KCTD8: variants seen among roughly 807,000 people sequenced by gnomAD.
KCTD8 encodes potassium channel tetramerization domain containing 8.
In KCTD8, 27 loss-of-function variants were observed where a neutral mutation model predicts 31.5. The observed-to-expected ratio is 0.86, with a 90% CI of 0.63 to 1.18. The LOEUF (loss-of-function observed/expected upper bound fraction) is 1.18. Among genes scored for constraint, KCTD8 ranks in the 50% most tolerant of loss-of-function variants. The probability of loss-of-function intolerance (pLI) is 0.00; values close to 1 mark genes in which losing one functional copy is unlikely to be tolerated. For synonymous variants in KCTD8, 290 were observed against 280.0 expected (o/e 1.04, Z -0.36); for missense variants, 658 against 647.7 (o/e 1.02, Z -0.17).
intron 1 of KCTD8, among the ~76,000 whole-genome samples, chr4:44,432,308 T>A (rs886806264): frequency 1.3e-4 from 19 of 151,762 alleles, no homozygotes; most frequent in African/African-American, 4.6e-4. Context: ...GAATGGATAT[T>A]TATTTGCTTC....
chr4:44,207,364 ACTT>A (rs1560394854), intron 1 of KCTD8, among the ~76,000 whole-genome samples: 1 of 152,056 alleles, frequency 6.6e-6, no homozygotes, highest in Admixed American at 6.6e-5. Context: ...CCCCATCTCT[ACTT>A]CTTCCTGATT....
chr4:44,221,370 T>TG (rs1714803130), intron 1 of KCTD8, among the ~76,000 whole-genome samples: 1 of 151,584 alleles, frequency 6.6e-6, no homozygotes, highest in East Asian at 1.9e-4. Context: ...TGTGTGTGTG[T>TG]TTAGGAGCAT....
chr4:44,260,143 G>GA (rs141872399), intron 1 of KCTD8, among the ~76,000 whole-genome samples: 3,187 of 147,376 alleles, frequency 0.022, 67 homozygotes, highest in African/African-American at 0.028. Context: ...ATGCTAAAAT[G>GA]AAAAAAAAAC....
chr4:44,221,367 G>GTT (rs1339735877), intron 1 of KCTD8, among the ~76,000 whole-genome samples: 1 of 151,686 alleles, frequency 6.6e-6, no homozygotes, highest in Non-Finnish European at 1.5e-5. Flanking sequence ...GTGTGTGTGT[G>GTT]TGTTTAGGAG....
intron 1 of KCTD8, among the ~76,000 whole-genome samples, chr4:44,331,875 T>C (rs900208697): frequency 6.6e-6 from 1 of 150,810 alleles, no homozygotes; most frequent in Non-Finnish European, 1.5e-5. Flanking sequence ...GCTATATATA[T>C]ACACAGAGAG....
At chr4:44,181,182 C>T (rs1019347047) in intron 1 of KCTD8, among the ~76,000 whole-genome samples, 23 of 115,022 alleles carry the variant, frequency 2.0e-4, no homozygotes, top group African/African-American at 6.3e-4. Context: ...CCCATGGTCT[C>T]CCTCTCCCTC....
chr4:44,280,417 T>C (rs1716874996), intron 1 of KCTD8, among the ~76,000 whole-genome samples: 1 of 152,108 alleles, frequency 6.6e-6, no homozygotes. Context: ...AGCTTTTCTA[T>C]CACCGTCGAG....
chr4:44,415,563 C>T (rs902922050), intron 1 of KCTD8, among the ~76,000 whole-genome samples: 1 of 152,174 alleles, frequency 6.6e-6, no homozygotes, highest in Non-Finnish European at 1.5e-5. Context: ...GCCCAGAGTG[C>T]CACTTCCCTG....
At chr4:44,272,297 C>A (rs934998525) in intron 1 of KCTD8, among the ~76,000 whole-genome samples, 1 of 151,156 alleles carries the variant, frequency 6.6e-6, no homozygotes, top group South Asian at 2.1e-4. Context: ...TTCACAGAAC[C>A]TTTTTCAGAA....
chr4:44,226,384 T>C (rs1283692849), intron 1 of KCTD8, among the ~76,000 whole-genome samples: 2 of 152,230 alleles, frequency 1.3e-5, no homozygotes, highest in Admixed American at 6.5e-5. Flanking sequence ...TCCATTGTTA[T>C]GGCTGCATAG....
chr4:44,317,122 G>GT (rs1477707521), intron 1 of KCTD8, among the ~76,000 whole-genome samples: 11 of 146,840 alleles, frequency 7.5e-5, no homozygotes, highest in East Asian at 2.1e-4. Context: ...CTTTCATTTT[G>GT]TTTTTTTGTT....
At chr4:44,425,054 T>C (rs920152812) in intron 1 of KCTD8, among the ~76,000 whole-genome samples, 6 of 151,966 alleles carry the variant, frequency 3.9e-5, no homozygotes, top group Admixed American at 6.6e-5. Context: ...AACCTGAAGA[T>C]GACCATCTGC....
intron 1 of KCTD8, among the ~76,000 whole-genome samples, chr4:44,342,652 C>T (rs549928319): frequency 4.2e-4 from 64 of 152,274 alleles, no homozygotes; most frequent in South Asian, 3.5e-3. Flanking sequence ...CTTCTCCTTC[C>T]TAGCTATGAA....
At chr4:44,282,424 T>C (rs952633684) in intron 1 of KCTD8, among the ~76,000 whole-genome samples, 1 of 152,122 alleles carries the variant, frequency 6.6e-6, no homozygotes, top group East Asian at 1.9e-4. Context: ...TCCCTCCCCA[T>C]GAGCCTCCCC....
chr4:44,380,913 T>C (rs1484425690), intron 1 of KCTD8, among the ~76,000 whole-genome samples: 2 of 152,034 alleles, frequency 1.3e-5, no homozygotes, highest in African/African-American at 4.8e-5. Flanking sequence ...GAAACCTTCC[T>C]TTAATTTTTT....
intron 1 of KCTD8, among the ~76,000 whole-genome samples, chr4:44,299,877 G>C (rs1298771071): frequency 6.7e-6 from 1 of 148,562 alleles, no homozygotes; most frequent in Non-Finnish European, 1.5e-5. Context: ...CTCAGCCTCC[G>C]AGTAGCTGGG....
At position 44,410,435 on chromosome 4, in the gene KCTD8, GTTA is replaced by G. The variant is rs1392061544; in HGVS notation, c.961+37125_961+37127del. 3.3e-5 allele frequency among the ~76,000 whole-genome samples: 5 copies of G among 152,146 alleles called. No homozygotes were observed. In the East Asian group the frequency reaches 9.6e-4, roughly 29 times the overall value. ...CAATCACTTTGATAAGGTAACTACA[GTTA>G]TTATTCTCATTTTATACTTGGGAAG... is the stretch of plus-strand genomic sequence containing the variant. On this transcript the variant is annotated intron_variant, in intron 1 of 1. Transcript: ENST00000360029.
chr4:44,246,126 T>C (rs1439539714), intron 1 of KCTD8, among the ~76,000 whole-genome samples: 2 of 152,074 alleles, frequency 1.3e-5, no homozygotes, highest in African/African-American at 4.8e-5. Context: ...TTCTGTTACA[T>C]GGGAAATCCT....
At chr4:44,400,896 G>A (rs1256870086) in intron 1 of KCTD8, among the ~76,000 whole-genome samples, 1 of 151,584 alleles carries the variant, frequency 6.6e-6, no homozygotes, top group Admixed American at 6.6e-5. Context: ...GACTACAGTG[G>A]TATAATCATG....
Sources: allele counts gnomAD v4.1 joint callset (sites outside exome capture counted in the v4.1 genomes callset), GRCh38; gene constraint gnomAD v4.1.1; transcripts MANE v1.5; gene names NCBI Gene and HGNC (gene_info 2026-07-23, HGNC 2026-07-21).